Variants in ATP8A2 observed in about 807,000 individuals in gnomAD.
ATP8A2 encodes ATPase phospholipid transporting 8A2.
Under a neutral mutation model 165.6 loss-of-function variants are expected in ATP8A2, and 100 were observed. The ratio of observed to expected loss-of-function variants is 0.60; its 90% CI spans 0.51 to 0.71. ATP8A2 has a LOEUF of 0.71. ATP8A2 is among the 30% of genes least tolerant of loss of function. ATP8A2 has a pLI of 0.00. For synonymous variants in ATP8A2, 543 were observed against 548.8 expected (o/e 0.99, Z 0.15); for missense variants, 1,227 against 1,479.5 (o/e 0.83, Z 2.80).
At chr13:25,406,064 G>T (rs2033791455) in intron 1 of ATP8A2, among the ~76,000 whole-genome samples, 1 of 152,204 alleles carries the variant, frequency 6.6e-6, no homozygotes. Flanking sequence ...CAAGAGTTTT[G>T]CCTGATAGGG....
At position 25,406,193 on chromosome 13, in the gene ATP8A2, G is replaced by A. The variant is rs149395365; in HGVS notation, c.76+33905G>A. Among the ~76,000 whole-genome samples, 913 of 152,316 alleles carry A rather than the reference G, an allele frequency of 6.0e-3. 5 individuals carry two copies. Among genetic ancestry groups the A allele is most frequent in the African/African-American group, 0.021 (869 of 41,564 alleles). ...GTTTCTCAGAAAGAAACATTTAACA[G>A]GGACTTACGAACAGGAGCCATGCCT... On this transcript the variant is annotated intron_variant, in intron 1 of 36. Transcript: ENST00000381655.
intron 27 of ATP8A2, among the ~76,000 whole-genome samples, chr13:25,821,470 G>A (rs1951178925): frequency 6.6e-6 from 1 of 152,146 alleles, no homozygotes; most frequent in Admixed American, 6.5e-5. Flanking sequence ...TGTGAAGGTA[G>A]CAGATTCATA....
At chr13:25,637,236 C>T (rs946330436) in intron 24 of ATP8A2, among the ~76,000 whole-genome samples, 3 of 151,806 alleles carry the variant, frequency 2.0e-5, no homozygotes, top group East Asian at 1.9e-4. Context: ...GGGTTCATCT[C>T]ACTGGGGCTA....
At chr13:25,878,357 C>A (rs1952876788) in intron 33 of ATP8A2, among the ~76,000 whole-genome samples, 1 of 152,044 alleles carries the variant, frequency 6.6e-6, no homozygotes. Context: ...AGGTCCCGAT[C>A]CAGACCCAAG....
At chr13:25,375,209 A>G (rs987410367) in intron 1 of ATP8A2, among the ~76,000 whole-genome samples, 25 of 152,224 alleles carry the variant, frequency 1.6e-4, no homozygotes, top group Non-Finnish European at 3.4e-4. Context: ...TGACAAATAT[A>G]TATCAGTGCC....
rs1427489700 is a variant in ATP8A2 at position 26,022,568 on chromosome 13, T to C, written c.*2583T>C. The C allele has an allele frequency of 6.6e-6, 1 of 152,200 alleles. No homozygotes were observed. The highest frequency in any genetic ancestry group is 2.4e-5 in the African/African-American group (1 of 41,450). 9.4% of individuals were successfully genotyped at this position (152,200 alleles called of 1,614,324 possible). On this transcript the variant is annotated 3_prime_UTR_variant, in exon 37 of 37. Transcript: ENST00000381655. ...GATGCCTTTCTATCCTCTCATGTGG[T>C]TGAGCATTCTTACAGCCAAATGACT...
At chr13:25,958,418 G>A (rs1955580830) in intron 33 of ATP8A2, among the ~76,000 whole-genome samples, 2 of 152,144 alleles carry the variant, frequency 1.3e-5, no homozygotes, top group Non-Finnish European at 2.9e-5. Context: ...CACAAATCCT[G>A]ATCCGCAGGT....
chr13:25,600,389 A>G (rs113175604), intron 24 of ATP8A2, among the ~76,000 whole-genome samples: 6 of 152,234 alleles, frequency 3.9e-5, no homozygotes, highest in Non-Finnish European at 8.8e-5. Flanking sequence ...CTCCAGTAGC[A>G]TAGGCTGAAC....
intron 35 of ATP8A2, among the ~76,000 whole-genome samples, chr13:26,000,923 G>T (rs1310748689): frequency 2.0e-5 from 3 of 152,102 alleles, no homozygotes; most frequent in Non-Finnish European, 4.4e-5. Context: ...TGCCATACAT[G>T]GCAGTTGGTA....
chr13:25,435,955 G>GTGTGTA (rs1216671474), intron 1 of ATP8A2, among the ~76,000 whole-genome samples: 757 of 75,162 alleles, frequency 0.01, 10 homozygotes, highest in African/African-American at 0.024. Context: ...GTGTGTGAGT[G>GTGTGTA]TGTGTGTGTG....
chr13:25,750,714 G>A lies in ATP8A2; in HGVS notation c.2385-18332G>A, dbSNP rs1051611417. ...TGTAGTTTTGGCATCGAGTTTATAC[G>A]AGCACATGGGCATCAAAAAGCTTGC... On this transcript the variant is annotated intron_variant, in intron 25 of 36. Coordinates refer to ENST00000381655, the MANE Select transcript of ATP8A2 (RefSeq NM_016529.6). The surrounding 1 kb of genome is among the most constrained non-coding windows in gnomAD (Gnocchi z 4.3). Among the ~76,000 whole-genome samples, 3 of 152,084 alleles carry A rather than the reference G, an allele frequency of 2.0e-5. No individual in the cohort carries two copies. The highest frequency in any genetic ancestry group is 6.5e-5 in the Admixed American group (1 of 15,270).
At chr13:25,699,556 T>C (rs754977659) in intron 25 of ATP8A2, among the ~76,000 whole-genome samples, 13 of 152,224 alleles carry the variant, frequency 8.5e-5, no homozygotes, top group Non-Finnish European at 1.6e-4. Context: ...TATTGTCTTC[T>C]GAGAAGATAA....
chr13:25,430,683 C>T (rs889042832), intron 1 of ATP8A2, among the ~76,000 whole-genome samples: 6 of 152,032 alleles, frequency 3.9e-5, no homozygotes, highest in African/African-American at 9.7e-5. Flanking sequence ...CTGTAGCCTC[C>T]GCCTCCCAGT....
chr13:25,886,699 G>A (rs985687649), intron 33 of ATP8A2, among the ~76,000 whole-genome samples: 7 of 152,284 alleles, frequency 4.6e-5, no homozygotes, highest in East Asian at 3.9e-4. Context: ...GAGCCTCTTC[G>A]TGCCATCTGA....
chr13:25,396,499 T>C (rs1329456061), intron 1 of ATP8A2, among the ~76,000 whole-genome samples: 1 of 152,126 alleles, frequency 6.6e-6, no homozygotes, highest in East Asian at 1.9e-4. Context: ...AGAGAGAAAC[T>C]TCTGCTTCTG....
rs886165843 is a variant in ATP8A2 at position 25,372,333 on chromosome 13, G to A, written c.76+45G>A. 2.5e-5 allele frequency: 33 copies of A among 1,336,464 alleles called. No homozygotes were observed. The highest frequency in any genetic ancestry group is 3.1e-5 in the Admixed American group (1 of 32,710). The allele number at this position is 1,336,464 out of a possible 1,614,324, so 82.8% of individuals were successfully genotyped here. Reference sequence around the variant, plus strand: ...GCGAGGGAGGGTGGGCCCGGGGCGGGGGCGGCGCGGGGCGCGCCTGCGGTT... The same window carrying A: ...GCGAGGGAGGGTGGGCCCGGGGCGGAGGCGGCGCGGGGCGCGCCTGCGGTT... On this transcript the variant is annotated intron_variant, in intron 1 of 36. Transcript: ENST00000381655. The surrounding 1 kb of genome is among the most constrained non-coding windows in gnomAD (Gnocchi z 4.8).
chr13:25,639,280 A>G (rs1175833629), intron 24 of ATP8A2, among the ~76,000 whole-genome samples: 2 of 152,204 alleles, frequency 1.3e-5, no homozygotes, highest in African/African-American at 4.8e-5. Context: ...AATGGGCTGA[A>G]TGCTCCAATT....
intron 24 of ATP8A2, among the ~76,000 whole-genome samples, chr13:25,670,530 T>G (rs1333680870): frequency 6.6e-6 from 1 of 152,212 alleles, no homozygotes; most frequent in Non-Finnish European, 1.5e-5. Flanking sequence ...TATTTCAGTT[T>G]AGCTATATAA....
intron 33 of ATP8A2, among the ~76,000 whole-genome samples, chr13:25,949,114 A>C (rs2147346): frequency 6.6e-6 from 1 of 152,040 alleles, no homozygotes; most frequent in Admixed American, 6.5e-5. Context: ...TGAGTAACTC[A>C]CAGATGGTGT....
Sources: gnomAD v4.1 joint callset for allele counts (sites outside exome capture counted in the v4.1 genomes callset) on GRCh38, gnomAD v4.1.1 for gene constraint, Gnocchi (gnomAD v3.1) non-coding constraint, MANE v1.5 for transcripts, NCBI Gene and HGNC (gene_info 2026-07-23, HGNC 2026-07-21) for gene names.